The following ASPH variants were observed in gnomAD, a reference collection of about 807,000 sequenced individuals.
ASPH encodes the protein aspartate beta-hydroxylase, also known as aspartyl/asparaginyl beta-hydroxylase.
ASPH carries 100 observed loss-of-function variants against 118.4 expected under a neutral mutation model. That is an observed-to-expected ratio of 0.84 (90% CI 0.72 to 1.00). The LOEUF (loss-of-function observed/expected upper bound fraction) is 1.00. ASPH is among the 50% of genes least tolerant of loss of function. The pLI is 0.00. For synonymous variants in ASPH, 315 were observed against 325.6 expected, an observed-to-expected ratio of 0.97 and a Z score of 0.35; for missense variants, 920 against 919.5, an observed-to-expected ratio of 1.00 and a Z score of -0.01.
intron 15 of ASPH, chr8:61,579,482 T>A: frequency 6.2e-7 from 1 of 1,600,566 alleles, no homozygotes; most frequent in Non-Finnish European, 8.5e-7. Context: ...GCTATGCAGG[T>A]GGTCTGAGCT....
intron 3 of ASPH, chr8:61,662,054 A>C: frequency 2.9e-6 from 1 of 350,712 alleles, no homozygotes; most frequent in East Asian, 3.9e-5. Context: ...ATTAGATGAC[A>C]CAACAAATGA....
At chr8:61,517,257 T>C in intron 24 of ASPH, 1 of 386,036 alleles carries the variant, frequency 2.6e-6, no homozygotes, top group Non-Finnish European at 4.7e-6. Context: ...CACATCTGTC[T>C]ACCCAGAGAG....
chr8:61,615,152 A>G (rs1208630824), intron 14 of ASPH, among the ~76,000 whole-genome samples: 1 of 151,568 alleles, frequency 6.6e-6, no homozygotes, highest in East Asian at 1.9e-4. Context: ...GCACTCCTGC[A>G]CTCTCCCCTC....
chr8:61,675,773 A>G (rs1465845897), intron 3 of ASPH: 2 of 1,154,456 alleles, frequency 1.7e-6, no homozygotes, highest in Non-Finnish European at 2.1e-6. Flanking sequence ...TAGTTCAGTG[A>G]ATACATGAGT....
Position 61,689,735 on chromosome 8 carries a change from AC to A in ASPH, c.104-5548del, listed in dbSNP as rs1445702026. The A allele has an allele frequency of 1.9e-6, 3 of 1,546,418 alleles. No homozygotes were observed. The South Asian group carries it at 3.6e-5, about 19-fold the overall frequency. On this transcript the variant is annotated intron_variant, in intron 1 of 24. Transcript: ENST00000379454. ...ATAATAAATGCTAAAGTAAAACAAAACAAAAAAAAAAACTCAAAAGTACTGC... is the reference window on the plus strand; with the variant it reads ...ATAATAAATGCTAAAGTAAAACAAAAAAAAAAAAAAACTCAAAAGTACTGC...
In ASPH at chr8:61,625,966, C is replaced by T. The variant is rs1392021810; in HGVS notation, c.935-6947G>A. ...TATTAACCACTGTCGGAAAAACACA[C>T]ATAAATTCAGGTAAGACTAAAAGCT... On this transcript the variant is annotated intron_variant, in intron 13 of 24. Coordinates refer to ENST00000379454, the MANE Select transcript of ASPH (RefSeq NM_004318.4). 1.7e-5 allele frequency: 19 copies of T among 1,148,110 alleles called. No homozygotes were observed. In the East Asian group the frequency reaches 8.0e-4, roughly 48 times the overall value. 71.1% of individuals were successfully genotyped at this position (1,148,110 alleles called of 1,614,324 possible). A position where few individuals can be genotyped will look rare whatever the true frequency, so the allele number is the denominator to read the frequency against.
At chr8:61,663,796 T>C (rs1588888912) in intron 3 of ASPH, 4 of 979,810 alleles carry the variant, frequency 4.1e-6, no homozygotes, top group Non-Finnish European at 4.8e-6. Context: ...TATAATTCTA[T>C]TGAGTTGAAG....
intron 3 of ASPH, chr8:61,663,614 T>G: frequency 1.0e-6 from 1 of 985,408 alleles, no homozygotes; most frequent in Non-Finnish European, 1.2e-6. Context: ...TAGAATTCCC[T>G]TTTTGGTTTA....
In ASPH at chr8:61,543,279, C is replaced by A. The variant is rs1438567616; in HGVS notation, c.1764+4792G>T. ...GCATATGCTGGTACACTTGATCGTG[C>A]TCCATAGGTTGTTTTCTTCATTCTC... On this transcript the variant is annotated intron_variant, in intron 21 of 24. Coordinates refer to ENST00000379454, the MANE Select transcript of ASPH (RefSeq NM_004318.4). 2.0e-5 allele frequency among the ~76,000 whole-genome samples: 3 copies of A among 152,108 alleles called. No homozygotes were observed. In the South Asian group the frequency reaches 6.2e-4, roughly 32 times the overall value.
rs79646039 is a variant in ASPH at position 61,644,566 on chromosome 8, T to C, written c.652+34A>G. 435 of 1,531,644 alleles carry C rather than the reference T, an allele frequency of 2.8e-4. 7 individuals carry two copies. The East Asian group carries it at 6.8e-3, about 24-fold the overall frequency. 94.9% of individuals were successfully genotyped at this position (1,531,644 alleles called of 1,614,324 possible). A position where few individuals can be genotyped will look rare whatever the true frequency, so the allele number is the denominator to read the frequency against. ...GATGCCCTTTTAAAGGAAGACTCAC[T>C]CTAATTAAGAACAGAATTAAATTAA... is the stretch of plus-strand genomic sequence containing the variant. On this transcript the variant is annotated intron_variant, in intron 7 of 24. Coordinates refer to ENST00000379454, the MANE Select transcript of ASPH (RefSeq NM_004318.4).
intron 21 of ASPH, among the ~76,000 whole-genome samples, chr8:61,527,211 A>G (rs1254386823): frequency 6.6e-6 from 1 of 152,222 alleles, no homozygotes; most frequent in Non-Finnish European, 1.5e-5. Context: ...AATATTCTAA[A>G]GATTGATTGA....
rs1300220171 is a variant in ASPH, at chr8:61,714,462, G to A, written c.-91C>T. On this transcript the variant is annotated 5_prime_UTR_variant, in exon 1 of 25. Transcript: ENST00000379454. ...ACGCGGGAACCGCTGGCGGCGGCGG[G>A]CCGCTGGAGCGGGTTCGGGCCGCTG... 3.7e-6 allele frequency: 5 copies of A among 1,363,450 alleles called. No homozygotes were observed. The highest frequency in any genetic ancestry group is 3.8e-6 in the Non-Finnish European group (4 of 1,059,324). The allele number at this position is 1,363,450 out of a possible 1,614,324, so 84.5% of individuals were successfully genotyped here. A position where few individuals can be genotyped will look rare whatever the true frequency, so the allele number is the denominator to read the frequency against.
chr8:61,663,658 C>T (rs1020141206), intron 3 of ASPH: 1 of 984,588 alleles, frequency 1.0e-6, no homozygotes, highest in East Asian at 1.1e-4. Context: ...ATGGCAAAAT[C>T]CTGACTAATC....
intron 24 of ASPH, among the ~76,000 whole-genome samples, chr8:61,508,545 G>A (rs1807546423): frequency 6.6e-6 from 1 of 152,138 alleles, no homozygotes; most frequent in South Asian, 2.1e-4. Context: ...ATGATACTAG[G>A]TGCTTATAGA....
chr8:61,518,035 T>C lies in ASPH; in HGVS notation c.1989A>G (p.Gly663=). Residue 663 remains glycine (G), a synonymous_variant, in exon 23 of 25, where the codon GGA becomes GGG. Transcript: ENST00000379454. ...CCCAGCACGACACTCTTGGTACCTG[T>C]CCTCTTCTGCATCCTGTTGTCTCGG... The part of the protein sequence containing the change: ...KFPETTGCRR[G]QIKYSIMHPG... 6.2e-7 allele frequency: 1 copy of C among 1,612,300 alleles called. No individual in the cohort carries two copies. The highest frequency in any genetic ancestry group is 8.5e-7 in the Non-Finnish European group (1 of 1,178,384).
At chr8:61,553,245 A>G in intron 19 of ASPH, 125 bp from the exon 20 acceptor site, 1 of 679,606 alleles carries the variant, frequency 1.5e-6, no homozygotes, top group Non-Finnish European at 2.4e-6. Flanking sequence ...ATATCTCCAT[A>G]TTAAACTTTG....
chr8:61,560,471 G>C (rs1024864404), intron 18 of ASPH, among the ~76,000 whole-genome samples: 1 of 151,886 alleles, frequency 6.6e-6, no homozygotes. Flanking sequence ...TTCTAAAAAT[G>C]ATCTTTAACA....
At chr8:61,614,183 T>G (rs1188749196) in intron 14 of ASPH, among the ~76,000 whole-genome samples, 2 of 152,184 alleles carry the variant, frequency 1.3e-5, no homozygotes, top group African/African-American at 4.8e-5. Flanking sequence ...TTTAAAGACA[T>G]GTAAATACTG....
intron 15 of ASPH, among the ~76,000 whole-genome samples, chr8:61,577,421 A>AAAAAAAAAAAG (rs1197809235): frequency 1.3e-5 from 2 of 148,262 alleles, no homozygotes; most frequent in African/African-American, 5.1e-5. Context: ...AAAAAAAAAA[A>AAAAAAAAAAAG]AAGACAAGAC....
Sources: allele counts gnomAD v4.1 joint callset (sites outside exome capture counted in the v4.1 genomes callset), GRCh38; gene constraint gnomAD v4.1.1; transcripts MANE v1.5; gene names NCBI Gene and HGNC (gene_info 2026-07-23, HGNC 2026-07-21).